DNMT1: variants seen among roughly 807,000 people sequenced by gnomAD.
The protein encoded by DNMT1 is DNA (cytosine-5)-methyltransferase 1.
DNMT1 carries 24 observed loss-of-function variants against 205.3 expected under a neutral mutation model. The ratio of observed to expected loss-of-function variants is 0.12; its 90% CI spans 0.08 to 0.16. The LOEUF (loss-of-function observed/expected upper bound fraction) is 0.16, where lower values mean the gene tolerates loss of function less well. DNMT1 is among the 10% of genes least tolerant of loss of function. The pLI is 1.00. For missense variants in DNMT1, 1,293 were observed against 2,177.7 expected (o/e 0.59, Z 8.09); for synonymous variants, 817 against 839.8 (o/e 0.97, Z 0.47).
rs780874970 is a variant in DNMT1 at position 10,182,074 on chromosome 19, G to C, written c.84C>G (p.Leu28=). ...ISLPDDVRRR[L]KDLERDSLTE... is the part of the protein sequence containing the mutation. The stretch of plus-strand genomic sequence containing the variant: ...TTAAGCTGTCTCTTTCCAAATCTTT[G>C]AGCCTGGGAGGAAGAAATAGGGGAG... Residue 28 remains leucine, a synonymous_variant, in exon 2 of 41, where the codon CTC becomes CTG. Transcript: ENST00000359526. 1 of 1,613,432 alleles carries C rather than the reference G, an allele frequency of 6.2e-7. No homozygotes were observed. Among genetic ancestry groups the C allele is most frequent in the South Asian group, 1.1e-5 (1 of 91,022 alleles).
Position 10,139,912 on chromosome 19 carries a change from G to A in DNMT1, c.3807-95C>T, listed in dbSNP as rs961635117. 18 of 1,573,362 alleles carry A rather than the reference G, an allele frequency of 1.1e-5. No individual in the cohort carries two copies. The Admixed American group carries it at 3.3e-4, about 29-fold the overall frequency. On this transcript the variant is annotated intron_variant, in intron 33 of 40. Transcript: ENST00000359526. ...GAAGCCCCTCACGAATGTTATCAAA[G>A]TCTCTCCCTGGTGAGAGCTGAGCTG...
At chr19:10,192,319 GC>G (rs1461362460) in intron 1 of DNMT1, among the ~76,000 whole-genome samples, 2 of 151,986 alleles carry the variant, frequency 1.3e-5, no homozygotes, top group African/African-American at 4.8e-5. Flanking sequence ...AGCTAAGTTA[GC>G]CACTAGCATG....
In DNMT1 at chr19:10,156,581, G is replaced by A; in HGVS notation, c.1281-72C>T. The A allele has an allele frequency of 1.9e-6, 2 of 1,073,000 alleles. No homozygotes were observed. Among genetic ancestry groups the A allele is most frequent in the Non-Finnish European group, 2.9e-6 (2 of 690,274 alleles). The allele number at this position is 1,073,000 out of a possible 1,614,324, so 66.5% of individuals were successfully genotyped here. A position where few individuals can be genotyped will look rare whatever the true frequency, so the allele number is the denominator to read the frequency against. ...GGGTCTTCGTGCAGACTTCAGATCA[G>A]GCACGAGGCAATGAGAGAATGTACA... On this transcript the variant is annotated intron_variant, in intron 17 of 40. Coordinates refer to ENST00000359526, the MANE Select transcript of DNMT1 (RefSeq NM_001130823.3). This position sits in a 1 kb window ranked among gnomAD's most constrained non-coding sequence, Gnocchi z 4.2.
rs1442099308 is a variant in DNMT1, at chr19:10,182,033, G to A, written c.117+8C>T. 6.2e-7 allele frequency: 1 copy of A among 1,612,380 alleles called. No individual in the cohort carries two copies. Among genetic ancestry groups the A allele is most frequent in the Non-Finnish European group, 8.5e-7 (1 of 1,178,808 alleles). On this transcript the variant is annotated splice_region_variant and intron_variant, in intron 2 of 40. Transcript: ENST00000359526. ...TGGTAATAAGAAAAATTTTAAGGTG[G>A]AGATTACCTTTTCTGTTAAGCTGTC... is the stretch of plus-strand genomic sequence containing the variant.
intron 13 of DNMT1, among the ~76,000 whole-genome samples, chr19:10,161,816 C>T (rs548938533): frequency 4.6e-5 from 7 of 152,146 alleles, no homozygotes; most frequent in African/African-American, 1.7e-4. Flanking sequence ...AGGTGGGGCC[C>T]CATCCAATAA....
chr19:10,142,241 G>C (rs773871134), intron 29 of DNMT1, 21 bp from the exon 30 acceptor site: 1 of 1,613,686 alleles, frequency 6.2e-7, no homozygotes, highest in South Asian at 1.1e-5. Context: ...GAGAGGCCTC[G>C]TTAGGAGCTC....
At chr19:10,187,423 C>T (rs903333960) in intron 1 of DNMT1, among the ~76,000 whole-genome samples, 5 of 151,812 alleles carry the variant, frequency 3.3e-5, no homozygotes, top group African/African-American at 1.2e-4. Context: ...GGCAACAGAG[C>T]GAGACCCTGT....
Position 10,194,943 on chromosome 19 carries a change from C to A in DNMT1, c.-44G>T, listed in dbSNP as rs755440003. 5 of 1,570,890 alleles carry A rather than the reference C, an allele frequency of 3.2e-6. No homozygotes were observed. Among genetic ancestry groups the A allele is most frequent in the Middle Eastern group, 1.7e-4 (1 of 5,804 alleles). On this transcript the variant is annotated 5_prime_UTR_variant, in exon 1 of 41. Coordinates refer to ENST00000359526, the MANE Select transcript of DNMT1 (RefSeq NM_001130823.3). ...CGCGGCGGCGGCAGCGCAGGCGCCC[C>A]GGCTTTTCGCGCGGAAACCGATGGG...
rs199713998 is a variant in DNMT1 at position 10,149,036 on chromosome 19, G to T, written c.2587-19C>A. 1 of 1,613,604 alleles carries T rather than the reference G, an allele frequency of 6.2e-7. No individual in the cohort carries two copies. The highest frequency in any genetic ancestry group is 8.5e-7 in the Non-Finnish European group (1 of 1,179,932). On this transcript the variant is annotated intron_variant, in intron 26 of 40. Transcript: ENST00000359526. The stretch of plus-strand genomic sequence containing the variant: ...TGCCTCCCTTGGGAGATAAGAATGC[G>T]TGTCAGGCCAGGCGCAGTGGCTCAT...
In DNMT1 at chr19:10,159,935, G is replaced by C. The variant is rs778632235; in HGVS notation, c.1090-13C>G. ...TGGGAGGGTGGGTCTGTGGGAGCAG[G>C]AACACAGATGATGGCACTCAGAGAG... On this transcript the variant is annotated splice_polypyrimidine_tract_variant and intron_variant, in intron 15 of 40. Coordinates refer to ENST00000359526, the MANE Select transcript of DNMT1 (RefSeq NM_001130823.3). The surrounding 1 kb of genome is among the most constrained non-coding windows in gnomAD (Gnocchi z 5.0). 1.1e-5 allele frequency: 17 copies of C among 1,614,204 alleles called. No individual in the cohort carries two copies. Among genetic ancestry groups the C allele is most frequent in the Middle Eastern group, 1.6e-4 (1 of 6,062 alleles).
intron 5 of DNMT1, among the ~76,000 whole-genome samples, chr19:10,179,255 A>T (rs950719369): frequency 2.6e-5 from 4 of 151,958 alleles, no homozygotes; most frequent in African/African-American, 7.2e-5. Flanking sequence ...AGCACTTGTC[A>T]TCTGCAACCT....
intron 7 of DNMT1, among the ~76,000 whole-genome samples, chr19:10,174,718 AAACAAC>A (rs370887686): frequency 2.6e-5 from 4 of 151,066 alleles, no homozygotes; most frequent in South Asian, 2.1e-4. Context: ...AAAAAATTAA[AAACAAC>A]AACAACAACA....
intron 11 of DNMT1, 38 bp downstream of exon 11, chr19:10,166,560 A>G: frequency 6.2e-7 from 1 of 1,612,660 alleles, no homozygotes; most frequent in South Asian, 1.1e-5. Context: ...GGAGCAGAAG[A>G]ATGAGGGGGA....
At chr19:10,193,418 AGC>A (rs1380387525) in intron 1 of DNMT1, among the ~76,000 whole-genome samples, 5 of 151,436 alleles carry the variant, frequency 3.3e-5, no homozygotes, top group Non-Finnish European at 7.4e-5. Context: ...GGAGTGCAAT[AGC>A]GCGATCTCAG....
In DNMT1 at chr19:10,137,728, G is replaced by A; in HGVS notation, c.4293+104C>T. 1 of 1,458,584 alleles carries A rather than the reference G, an allele frequency of 6.9e-7. No individual in the cohort carries two copies. Among genetic ancestry groups the A allele is most frequent in the Non-Finnish European group, 9.4e-7 (1 of 1,065,376 alleles). 90.4% of individuals were successfully genotyped at this position (1,458,584 alleles called of 1,614,324 possible). On this transcript the variant is annotated intron_variant, in intron 36 of 40. Transcript: ENST00000359526. The surrounding 1 kb of genome is among the most constrained non-coding windows in gnomAD (Gnocchi z 6.4). ...CTGAGGACTCGGGAGGAGGAGCCTG[G>A]GATCAGATTCCATGTCTCCCCTGAG...
At chr19:10,176,586 G>A (rs898126102) in intron 6 of DNMT1, among the ~76,000 whole-genome samples, 1 of 152,116 alleles carries the variant, frequency 6.6e-6, no homozygotes, top group African/African-American at 2.4e-5. Context: ...GGCTGGGCAC[G>A]GTGGCTCACG....
chr19:10,166,499 G>T, intron 11 of DNMT1, 99 bp downstream of exon 11: 1 of 1,445,882 alleles, frequency 6.9e-7, no homozygotes, highest in East Asian at 2.3e-5. Context: ...GGTGGATGGG[G>T]CTGGACTTGA....
At chr19:10,145,045 A>G (rs2038168739) in intron 28 of DNMT1, among the ~76,000 whole-genome samples, 1 of 152,208 alleles carries the variant, frequency 6.6e-6, no homozygotes, top group African/African-American at 2.4e-5. Flanking sequence ...TGTTGCTATG[A>G]TACAACCTAC....
At chr19:10,160,541 G>A (rs573784791) in intron 13 of DNMT1, 123 bp from the exon 14 acceptor site, 11 of 1,023,220 alleles carry the variant, frequency 1.1e-5, no homozygotes, top group Non-Finnish European at 1.5e-5. Flanking sequence ...GAGGGAGGCA[G>A]TGAGAGGGCC....
Sources: gnomAD v4.1 joint callset for allele counts (sites outside exome capture counted in the v4.1 genomes callset) on GRCh38, gnomAD v4.1.1 for gene constraint, Gnocchi (gnomAD v3.1) non-coding constraint, MANE v1.5 for transcripts, NCBI Gene and HGNC (gene_info 2026-07-23, HGNC 2026-07-21) for gene names.